Variants in KANK4 observed in about 807,000 individuals in gnomAD.
KANK4 encodes the protein KN motif and ankyrin repeat domains 4.
Under a neutral mutation model 80.8 loss-of-function variants are expected in KANK4, and 50 were observed. The ratio of observed to expected loss-of-function variants is 0.62; its 90% confidence interval spans 0.49 to 0.78. KANK4 has a LOEUF of 0.78. Ranked by LOEUF, KANK4 falls within the 30% of genes least tolerant of loss-of-function variation. KANK4 has a pLI of 0.00. For missense variants in KANK4, 1,196 were observed against 1,240.1 expected (o/e 0.96, Z 0.53); for synonymous variants, 465 against 506.9 (o/e 0.92, Z 1.11).
Position 62,268,743 on chromosome 1 carries a change from C to T in KANK4, c.2013-238G>A, listed in dbSNP as rs547478579. 4.6e-5 allele frequency among the ~76,000 whole-genome samples: 7 copies of T among 152,316 alleles called. No individual in the cohort carries two copies. In the South Asian group the frequency reaches 1.4e-3, roughly 32 times the overall value. On this transcript the variant is annotated intron_variant, in intron 4 of 9. Coordinates refer to ENST00000371153, the MANE Select transcript of KANK4 (RefSeq NM_181712.5). ...ATTTGGGGAGACTCAATTAACTGTG[C>T]TTATTGTCAAAATAATTAACTGTGC... is the stretch of plus-strand genomic sequence containing the variant.
Position 62,273,404 on chromosome 1 carries a change from A to T in KANK4, c.1700T>A (p.Ile567Asn). The T allele has an allele frequency of 6.2e-7, 1 of 1,609,298 alleles. No individual in the cohort carries two copies. The highest frequency in any genetic ancestry group is 8.5e-7 in the Non-Finnish European group (1 of 1,176,834). Residue 567 changes from isoleucine (I) to asparagine (N), a missense_variant, in exon 3 of 10, where the codon ATC becomes AAC. By Grantham distance (149) the Ile-to-Asn change is moderately radical. This residue lies in a region of KANK4 where 1,154 missense variants were observed against 1,179.6 expected (regional missense o/e 0.98). Transcript: ENST00000371153. ...DATIGQYVKK[I>N]QELLQEQWNC... ...CCACTGCTCCTGCAGGAGCTCCTGG[A>T]TCTTCTTCACATACTGCCCAATAGT... is the stretch of plus-strand genomic sequence containing the variant.
At chr1:62,308,604 C>T (rs1156525913) in intron 1 of KANK4, among the ~76,000 whole-genome samples, 1 of 152,136 alleles carries the variant, frequency 6.6e-6, no homozygotes, top group Non-Finnish European at 1.5e-5. Context: ...CCCAGCCACC[C>T]TCTCAAAGGA....
chr1:62,238,308 T>C lies in KANK4; in HGVS notation c.2957A>G (p.His986Arg), dbSNP rs2149110360. 6.2e-7 allele frequency: 1 copy of C among 1,614,060 alleles called. No individual in the cohort carries two copies. The highest frequency in any genetic ancestry group is 2.2e-5 in the East Asian group (1 of 44,870). ...HMEIAGLLRA[H>R]AEQGRSLGL ...CCCCAGGGACCTGCCCTGCTCCGCG[T>C]GGGCTCTCAGAAGCCCAGCAATTTC... The change falls in exon 10 of 10, where the codon CAC (histidine) becomes CGC (arginine). Residue 986 changes from histidine to arginine, a missense_variant. This residue lies in a region of KANK4 where 1,154 missense variants were observed against 1,179.6 expected (regional missense o/e 0.98). Transcript: ENST00000371153.
At chr1:62,294,690 GTTA>G (rs1644346545) in intron 1 of KANK4, among the ~76,000 whole-genome samples, 1 of 152,218 alleles carries the variant, frequency 6.6e-6, no homozygotes. Flanking sequence ...CGGGAAAGCT[GTTA>G]TTATTTCACA....
chr1:62,291,902 C>CA (rs1468310195), intron 1 of KANK4, among the ~76,000 whole-genome samples: 1 of 152,160 alleles, frequency 6.6e-6, no homozygotes, highest in Non-Finnish European at 1.5e-5. Flanking sequence ...CTACCATACT[C>CA]AGACAACTTT....
intron 1 of KANK4, among the ~76,000 whole-genome samples, chr1:62,308,628 C>T (rs1181151405): frequency 6.6e-6 from 1 of 152,132 alleles, no homozygotes; most frequent in South Asian, 2.1e-4. Context: ...GTTTCCAGCA[C>T]CCACCAACAC....
chr1:62,282,143 T>A (rs905144205), intron 1 of KANK4, among the ~76,000 whole-genome samples: 2 of 152,114 alleles, frequency 1.3e-5, no homozygotes, highest in Non-Finnish European at 2.9e-5. Context: ...TAATTGCAAG[T>A]ACTGACAGGG....
intron 6 of KANK4, among the ~76,000 whole-genome samples, chr1:62,265,344 G>A (rs542490199): frequency 3.3e-5 from 5 of 151,988 alleles, no homozygotes; most frequent in Admixed American, 2.6e-4. Flanking sequence ...GGGCTCAGGC[G>A]ATTCTCCCAC....
At chr1:62,318,036 T>C (rs1296797763) in intron 1 of KANK4, among the ~76,000 whole-genome samples, 1 of 152,148 alleles carries the variant, frequency 6.6e-6, no homozygotes. Flanking sequence ...AGTGTAGCTT[T>C]CCTGTGTCAC....
chr1:62,271,392 G>T, intron 4 of KANK4, 86 bp downstream of exon 4: 1 of 877,922 alleles, frequency 1.1e-6, no homozygotes, highest in South Asian at 1.4e-5. Flanking sequence ...AAAACCAGAT[G>T]CCTCCCCCTA....
At chr1:62,312,399 T>C (rs931381045) in intron 1 of KANK4, among the ~76,000 whole-genome samples, 4 of 152,216 alleles carry the variant, frequency 2.6e-5, no homozygotes, top group Admixed American at 6.5e-5. Flanking sequence ...ATGCTTTTTT[T>C]CCCCTATCCA....
At chr1:62,263,641 G>A (rs563803090) in intron 6 of KANK4, among the ~76,000 whole-genome samples, 53 of 152,198 alleles carry the variant, frequency 3.5e-4, no homozygotes, top group South Asian at 2.5e-3. Context: ...CCTGGTATGC[G>A]CACAATTACA....
intron 1 of KANK4, among the ~76,000 whole-genome samples, chr1:62,306,985 T>C (rs1027289418): frequency 3.9e-5 from 6 of 152,100 alleles, no homozygotes; most frequent in Non-Finnish European, 7.4e-5. Flanking sequence ...TACAATACAA[T>C]AAATATTGGC....
intron 1 of KANK4, among the ~76,000 whole-genome samples, chr1:62,313,691 G>A (rs1006066766): frequency 3.3e-5 from 5 of 151,958 alleles, no homozygotes; most frequent in Non-Finnish European, 5.9e-5. Flanking sequence ...CACATACTGG[G>A]GCCTGCTGAG....
chr1:62,292,344 C>T (rs990751789), intron 1 of KANK4, among the ~76,000 whole-genome samples: 3 of 152,144 alleles, frequency 2.0e-5, no homozygotes, highest in African/African-American at 7.2e-5. Flanking sequence ...CGTGAACACG[C>T]AGGAGGTATG....
At chr1:62,276,827 G>T (rs1672326562) in intron 2 of KANK4, among the ~76,000 whole-genome samples, 1 of 150,670 alleles carries the variant, frequency 6.6e-6, no homozygotes, top group African/African-American at 2.4e-5. Flanking sequence ...AAGTATTTTG[G>T]ACAATGCCTC....
At chr1:62,271,393 C>T (rs1475520270) in intron 4 of KANK4, 85 bp downstream of exon 4, 1 of 889,782 alleles carries the variant, frequency 1.1e-6, no homozygotes, top group Non-Finnish European at 1.9e-6. Context: ...AAACCAGATG[C>T]CTCCCCCTAG....
chr1:62,279,721 G>A (rs1672411519), intron 2 of KANK4, among the ~76,000 whole-genome samples: 1 of 152,218 alleles, frequency 6.6e-6, no homozygotes, highest in Admixed American at 6.5e-5. Flanking sequence ...AGCAAGGATG[G>A]GCTGGTTCTG....
chr1:62,314,468 T>C (rs180683330), intron 1 of KANK4, among the ~76,000 whole-genome samples: 367 of 152,188 alleles, frequency 2.4e-3, no homozygotes, highest in Non-Finnish European at 3.9e-3. Flanking sequence ...TCCAAATCGA[T>C]GGCACCGAGA....
Sources: allele counts gnomAD v4.1 joint callset (sites outside exome capture counted in the v4.1 genomes callset), GRCh38; gene constraint gnomAD v4.1.1; regional missense constraint gnomAD v4.1.1; transcripts MANE v1.5; gene names NCBI Gene and HGNC (gene_info 2026-07-23, HGNC 2026-07-21).